Variants in STIM1 observed in about 807,000 individuals in gnomAD.
The protein encoded by STIM1 is stromal interaction molecule 1.
STIM1 carries 25 observed loss-of-function variants against 74.7 expected under a neutral mutation model. That is an observed-to-expected ratio of 0.33 (90% CI 0.24 to 0.47). The LOEUF is 0.47. STIM1 is among the 20% of genes least tolerant of loss of function. STIM1 has a pLI of 1.00. For synonymous variants in STIM1, 328 were observed against 348.8 expected, an observed-to-expected ratio of 0.94 and a Z score of 0.66; for missense variants, 728 against 920.8, an observed-to-expected ratio of 0.79 and a Z score of 2.71.
chr11:3,989,217 C>G, intron 2 of STIM1: 1 of 907,774 alleles, frequency 1.1e-6, no homozygotes, highest in Non-Finnish European at 1.9e-6. Flanking sequence ...CCTCAGTTTT[C>G]TTTTCCCTGT....
chr11:3,892,826 G>A (rs2091938384), intron 1 of STIM1: 2 of 1,612,356 alleles, frequency 1.2e-6, no homozygotes, highest in African/African-American at 1.3e-5. Flanking sequence ...TAGCTTGAAG[G>A]AGACATGGCC....
chr11:4,089,743 G>T (rs1222389701), intron 12 of STIM1, among the ~76,000 whole-genome samples: 1 of 152,106 alleles, frequency 6.6e-6, no homozygotes, highest in African/African-American at 2.4e-5. Flanking sequence ...CTGTTTCAGG[G>T]GCCTGGTACC....
intron 1 of STIM1, among the ~76,000 whole-genome samples, chr11:3,920,202 C>T (rs1413415726): frequency 6.6e-6 from 1 of 151,870 alleles, no homozygotes; most frequent in Admixed American, 6.6e-5. Context: ...TTCAAGCAGT[C>T]TTTCTGCCTC....
At chr11:3,992,700 C>G (rs1450466044) in intron 2 of STIM1, among the ~76,000 whole-genome samples, 1 of 152,052 alleles carries the variant, frequency 6.6e-6, no homozygotes, top group Non-Finnish European at 1.5e-5. Flanking sequence ...TTGTCAAATC[C>G]AAGGTCGTGA....
At chr11:4,029,710 G>A (rs2094031819) in intron 3 of STIM1, among the ~76,000 whole-genome samples, 1 of 152,190 alleles carries the variant, frequency 6.6e-6, no homozygotes, top group South Asian at 2.1e-4. Flanking sequence ...GAGCTGCCGA[G>A]GATAGGCTCC....
At chr11:3,911,127 G>A (rs1316935124) in intron 1 of STIM1, among the ~76,000 whole-genome samples, 1 of 152,196 alleles carries the variant, frequency 6.6e-6, no homozygotes, top group African/African-American at 2.4e-5. Flanking sequence ...GATAAGGATA[G>A]GACTAGGCAT....
At chr11:3,894,553 T>G (rs1283954642) in intron 1 of STIM1, among the ~76,000 whole-genome samples, 1 of 152,134 alleles carries the variant, frequency 6.6e-6, no homozygotes, top group Non-Finnish European at 1.5e-5. Context: ...TACCCCTTAT[T>G]CCATAGCCTA....
intron 1 of STIM1, among the ~76,000 whole-genome samples, chr11:3,962,832 T>C (rs1220570511): frequency 6.6e-6 from 1 of 152,224 alleles, no homozygotes; most frequent in Admixed American, 6.5e-5. Flanking sequence ...TTATCTGTTC[T>C]ACAGTGAGTT....
intron 1 of STIM1, among the ~76,000 whole-genome samples, chr11:3,927,795 A>C (rs1221721724): frequency 6.6e-6 from 1 of 152,136 alleles, no homozygotes; most frequent in African/African-American, 2.4e-5. Context: ...TTCTCCTTGT[A>C]AGTCTGAGTT....
At chr11:3,960,753 T>TTAGCCAA (rs2093276487) in intron 1 of STIM1, among the ~76,000 whole-genome samples, 2 of 152,348 alleles carry the variant, frequency 1.3e-5, no homozygotes, top group South Asian at 4.1e-4. Context: ...GTTTTGATCT[T>TTAGCCAA]TAGCCAAAAC....
intron 2 of STIM1, among the ~76,000 whole-genome samples, chr11:3,992,096 T>C (rs1378875844): frequency 7.3e-6 from 1 of 136,248 alleles, no homozygotes; most frequent in South Asian, 2.3e-4. Flanking sequence ...TTTGTTTTTT[T>C]TTTTTTTTTT....
chr11:3,865,399 G>A (rs1342309195), intron 1 of STIM1, among the ~76,000 whole-genome samples: 2 of 152,152 alleles, frequency 1.3e-5, no homozygotes, highest in Non-Finnish European at 2.9e-5. Context: ...TAGGAGGTCT[G>A]GGACCTACAC....
At chr11:4,034,123 G>A (rs1352974309) in intron 3 of STIM1, among the ~76,000 whole-genome samples, 1 of 151,808 alleles carries the variant, frequency 6.6e-6, no homozygotes, top group Non-Finnish European at 1.5e-5. Context: ...CAGCTACTTG[G>A]GAGGCTGAGG....
chr11:3,862,192 T>G (rs948761018), intron 1 of STIM1, among the ~76,000 whole-genome samples: 1 of 152,000 alleles, frequency 6.6e-6, no homozygotes, highest in Admixed American at 6.6e-5. Context: ...TGAAAAAAAT[T>G]GTGGACTAAA....
intron 2 of STIM1, among the ~76,000 whole-genome samples, chr11:3,970,264 T>C (rs1227562058): frequency 6.6e-6 from 1 of 152,212 alleles, no homozygotes; most frequent in East Asian, 1.9e-4. Flanking sequence ...GTATAGTTTT[T>C]GCCTTGCCTT....
intron 1 of STIM1, among the ~76,000 whole-genome samples, chr11:3,950,015 G>A (rs2093125770): frequency 6.6e-6 from 1 of 151,808 alleles, no homozygotes; most frequent in African/African-American, 2.4e-5. Flanking sequence ...TTTCAAAAAT[G>A]TTACATAAAT....
chr11:4,083,820 A>G (rs1464698350), intron 10 of STIM1, among the ~76,000 whole-genome samples: 4 of 152,186 alleles, frequency 2.6e-5, no homozygotes, highest in Non-Finnish European at 1.5e-5. Context: ...GTGAATTTCA[A>G]TGTAAAAATG....
intron 1 of STIM1, among the ~76,000 whole-genome samples, chr11:3,863,006 T>G (rs1197355599): frequency 6.6e-6 from 1 of 151,874 alleles, no homozygotes; most frequent in Non-Finnish European, 1.5e-5. Flanking sequence ...AATTCTTCTG[T>G]CTCAGCCTCC....
At chr11:4,042,260 A>T (rs1237291339) in intron 3 of STIM1, among the ~76,000 whole-genome samples, 2 of 152,178 alleles carry the variant, frequency 1.3e-5, no homozygotes, top group African/African-American at 4.8e-5. Flanking sequence ...AAATGTCCAC[A>T]TGCCTCATAC....
Sources: gnomAD v4.1 joint callset for allele counts (sites outside exome capture counted in the v4.1 genomes callset) on GRCh38, gnomAD v4.1.1 for gene constraint, MANE v1.5 for transcripts, NCBI Gene and HGNC (gene_info 2026-07-23, HGNC 2026-07-21) for gene names.